PTPRD: variants seen among roughly 807,000 people sequenced by gnomAD.
The protein encoded by PTPRD is protein tyrosine phosphatase receptor type D.
Under a neutral mutation model 214.5 loss-of-function variants are expected in PTPRD, and 34 were observed. That is an observed-to-expected ratio of 0.16 (90% CI 0.12 to 0.21). The LOEUF (loss-of-function observed/expected upper bound fraction) is 0.21. Among genes scored for constraint, PTPRD ranks in the 10% least tolerant of loss-of-function variants. PTPRD has a pLI of 1.00. For missense variants in PTPRD, 2,545 were observed against 2,398.7 expected (o/e 1.06, Z -1.27); for synonymous variants, 1,128 against 845.7 (o/e 1.33, Z -5.79).
In PTPRD at chr9:10,423,117, A is replaced by G. The variant is rs776271921; in HGVS notation, c.-599-82100T>C. On this transcript the variant is annotated intron_variant, in intron 2 of 45. Coordinates refer to ENST00000381196, the MANE Select transcript of PTPRD (RefSeq NM_002839.4). ...TGGCACATATACACCATGGAATACT[A>G]TGCAGCCATAAAAAAGGATGAATTC... is the stretch of plus-strand genomic sequence containing the variant. Among the ~76,000 whole-genome samples the G allele has an allele frequency of 7.3e-4, 111 of 152,248 alleles. 1 individual carries two copies. The highest frequency in any genetic ancestry group is 1.4e-3 in the Non-Finnish European group (92 of 68,026).
chr9:9,501,556 C>A (rs2096415067), intron 8 of PTPRD, among the ~76,000 whole-genome samples: 1 of 151,814 alleles, frequency 6.6e-6, no homozygotes. Context: ...ACACAATCAA[C>A]AATCTTGTTC....
intron 2 of PTPRD, among the ~76,000 whole-genome samples, chr9:10,427,048 T>G (rs1359318421): frequency 6.6e-6 from 1 of 152,068 alleles, no homozygotes; most frequent in Non-Finnish European, 1.5e-5. Flanking sequence ...AGAGGTATTT[T>G]GGGGGGTATT....
At chr9:9,115,218 T>C (rs1289271135) in intron 10 of PTPRD, among the ~76,000 whole-genome samples, 2 of 152,178 alleles carry the variant, frequency 1.3e-5, no homozygotes, top group Non-Finnish European at 2.9e-5. Flanking sequence ...GGGAAGCAAG[T>C]TCAGAGATTG....
chr9:8,822,903 C>T (rs1373150362), intron 11 of PTPRD, among the ~76,000 whole-genome samples: 2 of 152,098 alleles, frequency 1.3e-5, no homozygotes, highest in East Asian at 3.9e-4. Context: ...AACAGATTTC[C>T]ATTCCTCCAA....
At chr9:8,429,526 A>C (rs1224823020) in intron 35 of PTPRD, among the ~76,000 whole-genome samples, 1 of 152,124 alleles carries the variant, frequency 6.6e-6, no homozygotes, top group East Asian at 1.9e-4. Flanking sequence ...TGTCTTACTG[A>C]GTGATGGGAA....
At chr9:10,227,338 T>A (rs2099592239) in intron 3 of PTPRD, among the ~76,000 whole-genome samples, 1 of 151,990 alleles carries the variant, frequency 6.6e-6, no homozygotes, top group Admixed American at 6.6e-5. Flanking sequence ...TGAAGTTGGA[T>A]TAAAAATATG....
intron 3 of PTPRD, among the ~76,000 whole-genome samples, chr9:10,047,316 G>C (rs1428020608): frequency 6.8e-6 from 1 of 146,284 alleles, no homozygotes; most frequent in African/African-American, 2.5e-5. Flanking sequence ...AACTAACTGT[G>C]TGTGTGTGTG....
intron 5 of PTPRD, among the ~76,000 whole-genome samples, chr9:9,927,877 G>C (rs1331712206): frequency 6.6e-6 from 1 of 152,038 alleles, no homozygotes; most frequent in Non-Finnish European, 1.5e-5. Context: ...AAAGGACACG[G>C]GAAGAAAATG....
rs547083904 is a variant in PTPRD, at chr9:10,279,691, G to A, written c.-545+61272C>T. On this transcript the variant is annotated intron_variant, in intron 3 of 45. Transcript: ENST00000381196. ...TGCTAGACACTATGCTAGCTTATGA[G>A]CATACAGTGCAAAACAGAAAAAAAA... Among the ~76,000 whole-genome samples the A allele has an allele frequency of 1.2e-4, 17 of 145,902 alleles. No individual in the cohort carries two copies. In the South Asian group the frequency reaches 3.4e-3, roughly 30 times the overall value.
intron 10 of PTPRD, among the ~76,000 whole-genome samples, chr9:9,060,058 G>A (rs2099704256): frequency 1.3e-5 from 2 of 152,106 alleles, no homozygotes; most frequent in Non-Finnish European, 2.9e-5. Flanking sequence ...TTGATAAGTT[G>A]ACTTTAAAAT....
chr9:8,503,773 G>C (rs112573931), intron 23 of PTPRD, among the ~76,000 whole-genome samples: 3 of 152,310 alleles, frequency 2.0e-5, no homozygotes, highest in African/African-American at 7.2e-5. Context: ...TAAGAAACAA[G>C]TCATCAGAGC....
chr9:9,503,343 G>A (rs1466305978), intron 8 of PTPRD, among the ~76,000 whole-genome samples: 1 of 151,160 alleles, frequency 6.6e-6, no homozygotes, highest in Non-Finnish European at 1.5e-5. Flanking sequence ...TCATTTAGAT[G>A]AGATGTGTGG....
At chr9:9,889,958 T>C (rs1000205496) in intron 5 of PTPRD, among the ~76,000 whole-genome samples, 5 of 151,958 alleles carry the variant, frequency 3.3e-5, no homozygotes, top group Non-Finnish European at 7.4e-5. Context: ...TTATCAGCAA[T>C]CTGGCTAGCA....
In PTPRD at chr9:10,140,292, C is replaced by G. The variant is rs192187300; in HGVS notation, c.-544-106502G>C. Among the ~76,000 whole-genome samples the G allele has an allele frequency of 7.8e-4, 118 of 150,756 alleles. 1 individual carries two copies. The highest frequency in any genetic ancestry group is 2.6e-3 in the African/African-American group (107 of 41,030). ...AGAAAGGACATGGACAGCCACTTCTCAAAAGAAGACATACAAGCAGAAAAC... is the reference window on the plus strand; with the variant it reads ...AGAAAGGACATGGACAGCCACTTCTGAAAAGAAGACATACAAGCAGAAAAC... On this transcript the variant is annotated intron_variant, in intron 3 of 45. Coordinates refer to ENST00000381196, the MANE Select transcript of PTPRD (RefSeq NM_002839.4).
At chr9:8,338,847 C>CAGAGCGAGAGAGAGAG in intron 43 of PTPRD, 75 bp downstream of exon 43, 1 of 1,076,430 alleles carries the variant, frequency 9.3e-7, no homozygotes, top group Non-Finnish European at 1.3e-6. Flanking sequence ...GTGCTTCTCC[C>CAGAGCGAGAGAGAGAG]AGAGAGAGAG....
intron 5 of PTPRD, among the ~76,000 whole-genome samples, chr9:9,881,443 T>G (rs1272069726): frequency 6.6e-6 from 1 of 152,176 alleles, no homozygotes; most frequent in Admixed American, 6.5e-5. Flanking sequence ...GACTTGGGTT[T>G]GAGTCTAAGT....
At chr9:9,152,884 C>T (rs927322638) in intron 10 of PTPRD, among the ~76,000 whole-genome samples, 1 of 152,302 alleles carries the variant, frequency 6.6e-6, no homozygotes, top group African/African-American at 2.4e-5. Flanking sequence ...ATGAGAGGGG[C>T]ACACATTTAC....
chr9:9,712,346 T>A (rs1364885825), intron 7 of PTPRD, among the ~76,000 whole-genome samples: 4 of 152,134 alleles, frequency 2.6e-5, no homozygotes, highest in Non-Finnish European at 5.9e-5. Flanking sequence ...AGGGACACAG[T>A]GATAGGCTGA....
chr9:8,501,380 C>T (rs1454736022), intron 23 of PTPRD, among the ~76,000 whole-genome samples: 2 of 152,116 alleles, frequency 1.3e-5, no homozygotes, highest in Non-Finnish European at 2.9e-5. Context: ...ACCAATCCCT[C>T]AGTATCTCCC....
Sources: gnomAD v4.1 joint callset for allele counts (sites outside exome capture counted in the v4.1 genomes callset) on GRCh38, gnomAD v4.1.1 for gene constraint, MANE v1.5 for transcripts, NCBI Gene and HGNC (gene_info 2026-07-23, HGNC 2026-07-21) for gene names.